The following DLGAP4 variants were observed in gnomAD, a reference collection of about 807,000 sequenced individuals.
DLGAP4 encodes the protein DLG associated protein 4, also known as disks large-associated protein 4.
Under a neutral mutation model 86.9 loss-of-function variants are expected in DLGAP4, and 18 were observed. The ratio of observed to expected loss-of-function variants is 0.21; its 90% CI spans 0.14 to 0.31. The LOEUF is 0.31. Among genes scored for constraint, DLGAP4 ranks in the 10% least tolerant of loss-of-function variants. The probability of loss-of-function intolerance (pLI) is 1.00; values close to 1 mark genes in which losing one functional copy is unlikely to be tolerated. For synonymous variants in DLGAP4, 548 were observed against 574.3 expected (o/e 0.95, Z 0.65); for missense variants, 1,085 against 1,362.6 (o/e 0.80, Z 3.21).
In DLGAP4 at chr20:36,500,424, C is replaced by A; in HGVS notation, c.2325C>A (p.Ser775=). The A allele has an allele frequency of 6.3e-7, 1 of 1,576,842 alleles. No homozygotes were observed. Among genetic ancestry groups the A allele is most frequent in the Admixed American group, 1.8e-5 (1 of 56,268 alleles). The change falls in exon 10 of 13, where the codon TCC becomes TCA. Residue 775 remains serine, a synonymous_variant. Coordinates refer to ENST00000339266, the MANE Select transcript of DLGAP4 (RefSeq NM_001365621.2). The surrounding 1 kb of genome is among the most constrained non-coding windows in gnomAD (Gnocchi z 4.6). ...ACAGCGACCCTGCCCTAGAGGCGTC[C>A]TCGCTGCCCCCACCCGACCCCTGGC... is the stretch of plus-strand genomic sequence containing the variant. ...GDNSDPALEA[S]SLPPPDPWLE... is the part of the protein sequence containing the mutation.
intron 7 of DLGAP4, among the ~76,000 whole-genome samples, chr20:36,450,983 C>A (rs964071401): frequency 6.6e-6 from 1 of 152,338 alleles, no homozygotes. Flanking sequence ...CCTTCCTTCT[C>A]CATCAGCATT....
At chr20:36,422,099 C>A (rs1292767439) in intron 2 of DLGAP4, among the ~76,000 whole-genome samples, 2 of 152,120 alleles carry the variant, frequency 1.3e-5, no homozygotes, top group South Asian at 4.1e-4. Flanking sequence ...ACACAGCCAG[C>A]CACTCTCTAC....
At chr20:36,481,661 C>T (rs764417634) in intron 7 of DLGAP4, among the ~76,000 whole-genome samples, 1 of 152,176 alleles carries the variant, frequency 6.6e-6, no homozygotes, top group Non-Finnish European at 1.5e-5. Context: ...TAGTGGCTGG[C>T]ACTGTGCATG....
intron 1 of DLGAP4, among the ~76,000 whole-genome samples, chr20:36,334,067 T>C (rs1312456850): frequency 6.6e-6 from 1 of 152,190 alleles, no homozygotes; most frequent in Non-Finnish European, 1.5e-5. Context: ...CAAACACAGA[T>C]TGAGCTCTGT....
chr20:36,511,752 G>A (rs2036707017), intron 10 of DLGAP4, among the ~76,000 whole-genome samples: 1 of 151,294 alleles, frequency 6.6e-6, no homozygotes, highest in African/African-American at 2.4e-5. Context: ...GTGGGCACCT[G>A]TAATCTCGGC....
chr20:36,461,658 G>GCCC, intron 7 of DLGAP4: 1 of 274,480 alleles, frequency 3.6e-6, no homozygotes, highest in Non-Finnish European at 5.0e-6. Context: ...GACGGGGGCC[G>GCCC]CCCCGCCCGG....
rs2033168877 is a variant in DLGAP4, at chr20:36,432,973, A to G, written c.999+257A>G. 6.6e-6 allele frequency among the ~76,000 whole-genome samples: 1 copy of G among 152,132 alleles called. No individual in the cohort carries two copies. Among genetic ancestry groups the G allele is most frequent in the African/African-American group, 2.4e-5 (1 of 41,418 alleles). ...AAAATATGTTCCTGCCCTTTAGAAG[A>G]CAAATCTGGAAGCTGTGCCATCCCA... On this transcript the variant is annotated intron_variant, in intron 3 of 12. Coordinates refer to ENST00000339266, the MANE Select transcript of DLGAP4 (RefSeq NM_001365621.2). This position sits in a 1 kb window ranked among gnomAD's most constrained non-coding sequence, Gnocchi z 6.5.
At chr20:36,373,809 G>T (rs553537604) in intron 2 of DLGAP4, among the ~76,000 whole-genome samples, 1 of 152,324 alleles carries the variant, frequency 6.6e-6, no homozygotes, top group African/African-American at 2.4e-5. Context: ...AAGGCAGGCA[G>T]ATCACCTGAG....
chr20:36,387,020 G>A (rs1161981676), intron 2 of DLGAP4, among the ~76,000 whole-genome samples: 1 of 152,086 alleles, frequency 6.6e-6, no homozygotes, highest in East Asian at 1.9e-4. Flanking sequence ...CAGTGGTTCT[G>A]GTTCTCCACC....
Position 36,527,074 on chromosome 20 carries a change from A to G in DLGAP4, c.*43A>G, listed in dbSNP as rs1325010849. 22 of 1,546,068 alleles carry G rather than the reference A, an allele frequency of 1.4e-5. No individual in the cohort carries two copies. Among genetic ancestry groups the G allele is most frequent in the African/African-American group, 2.8e-5 (2 of 71,974 alleles). ...GAAACGATTTTAAATCATTAAAAACACAAAAACTAAGTGCGAACGGAACAG... is the reference window on the plus strand; with the variant it reads ...GAAACGATTTTAAATCATTAAAAACGCAAAAACTAAGTGCGAACGGAACAG... On this transcript the variant is annotated 3_prime_UTR_variant, in exon 13 of 13. Coordinates refer to ENST00000339266, the MANE Select transcript of DLGAP4 (RefSeq NM_001365621.2).
rs1178565448 is a variant in DLGAP4, at chr20:36,419,331, ATGT to A, written c.-72-12312_-72-12310del. 4.4e-3 allele frequency among the ~76,000 whole-genome samples: 667 copies of A among 151,760 alleles called. 7 individuals are homozygous for A. Among genetic ancestry groups the A allele is most frequent in the African/African-American group, 0.015 (641 of 41,370 alleles). ...TTTTTGTAGAGATGGGGTCCTCGTT[ATGT>A]TGCCCAGGCTGGTTTTGAACTCCTG... On this transcript the variant is annotated intron_variant, in intron 2 of 12. Coordinates refer to ENST00000339266, the MANE Select transcript of DLGAP4 (RefSeq NM_001365621.2).
intron 1 of DLGAP4, among the ~76,000 whole-genome samples, chr20:36,345,208 G>A (rs956173711): frequency 1.3e-5 from 2 of 152,190 alleles, no homozygotes; most frequent in African/African-American, 4.8e-5. Context: ...ATATAGACGA[G>A]AGAACTGAGG....
At chr20:36,525,216 CAAAAAAAAA>C (rs1159616185) in intron 11 of DLGAP4, among the ~76,000 whole-genome samples, 1,239 of 28,470 alleles carry the variant, frequency 0.044, 50 homozygotes, top group African/African-American at 0.12. Context: ...GACTCCGTCT[CAAAAAAAAA>C]AAAAAAAAAA....
At chr20:36,443,604 G>A (rs529924581) in intron 6 of DLGAP4, among the ~76,000 whole-genome samples, 65 of 152,174 alleles carry the variant, frequency 4.3e-4, no homozygotes, top group African/African-American at 1.6e-3. Flanking sequence ...GCCCACAGTG[G>A]GCCAAGCGAC....
rs59114549 is a variant in DLGAP4, at chr20:36,447,048, C to T, written c.1648+111C>T. ...CAGGGAGGAATCTGTCTCAGGCTGG[C>T]CCGCACCAGGGGGATGGTTGGGAGC... is the stretch of plus-strand genomic sequence containing the variant. On this transcript the variant is annotated intron_variant, in intron 7 of 12. Transcript: ENST00000339266. 7,992 of 1,463,362 alleles carry T rather than the reference C, an allele frequency of 5.5e-3. 349 individuals are homozygous for T. In the African/African-American group the frequency reaches 0.096, roughly 18 times the overall value. The allele number at this position is 1,463,362 out of a possible 1,614,324, so 90.6% of individuals were successfully genotyped here.
At chr20:36,378,908 GC>G (rs376284052) in intron 2 of DLGAP4, among the ~76,000 whole-genome samples, 287 of 152,288 alleles carry the variant, frequency 1.9e-3, no homozygotes, top group Admixed American at 5.4e-3. Flanking sequence ...TCCTGAGTGA[GC>G]CCAAGTACCG....
At chr20:36,341,122 T>C (rs763733918) in intron 1 of DLGAP4, among the ~76,000 whole-genome samples, 26 of 152,220 alleles carry the variant, frequency 1.7e-4, no homozygotes, top group Non-Finnish European at 3.4e-4. Context: ...CCTCCCTGTC[T>C]GCACAGCTCT....
At chr20:36,407,686 G>A (rs2032364845) in intron 2 of DLGAP4, among the ~76,000 whole-genome samples, 1 of 152,098 alleles carries the variant, frequency 6.6e-6, no homozygotes, top group South Asian at 2.1e-4. Flanking sequence ...AGGTCAGGGA[G>A]GGCCTCTGGA....
intron 7 of DLGAP4, among the ~76,000 whole-genome samples, chr20:36,450,712 T>G (rs1484314405): frequency 6.6e-6 from 1 of 152,198 alleles, no homozygotes; most frequent in Non-Finnish European, 1.5e-5. Context: ...AAGAAACTAC[T>G]TATCTACCCT....
Sources: gnomAD v4.1 joint callset for allele counts (sites outside exome capture counted in the v4.1 genomes callset) on GRCh38, gnomAD v4.1.1 for gene constraint, Gnocchi (gnomAD v3.1) non-coding constraint, MANE v1.5 for transcripts, NCBI Gene and HGNC (gene_info 2026-07-23, HGNC 2026-07-21) for gene names.